The following B4GALNT3 variants were observed in gnomAD, a reference collection of about 807,000 sequenced individuals.
B4GALNT3 encodes the protein beta-1,4-N-acetylgalactosaminyltransferase 3.
B4GALNT3 carries 86 observed loss-of-function variants against 120.2 expected under a neutral mutation model. The ratio of observed to expected loss-of-function variants is 0.72; its 90% confidence interval spans 0.60 to 0.86. The LOEUF is 0.86. B4GALNT3 is among the 40% of genes least tolerant of loss of function. The probability of loss-of-function intolerance (pLI) is 0.00; values close to 1 mark genes in which losing one functional copy is unlikely to be tolerated. For synonymous variants in B4GALNT3, 518 were observed against 510.4 expected (o/e 1.01, Z -0.20); for missense variants, 1,167 against 1,298.9 (o/e 0.90, Z 1.56).
chr12:541,839 T>G (rs1049020537), intron 3 of B4GALNT3, among the ~76,000 whole-genome samples: 1 of 43,056 alleles, frequency 2.3e-5, no homozygotes, highest in Non-Finnish European at 4.6e-5. Context: ...GTCCCCCCCC[T>G]CACCCCCCCC....
In B4GALNT3 at chr12:535,234, C is replaced by T; in HGVS notation, c.238C>T (p.Leu80Phe). 6.2e-7 allele frequency: 1 copy of T among 1,613,984 alleles called. No individual in the cohort carries two copies. The highest frequency in any genetic ancestry group is 8.5e-7 in the Non-Finnish European group (1 of 1,179,996). The change falls in exon 2 of 20, where the codon CTC becomes TTC. Residue 80 changes from leucine (L) to phenylalanine (F), a missense_variant. Physicochemically the swap from Leu to Phe is conservative, Grantham distance 22. Coordinates refer to ENST00000266383, the MANE Select transcript of B4GALNT3 (RefSeq NM_173593.4). Reference sequence around the variant, plus strand: ...GAACATTCCAGCTGTGGATCCACACCTCCAGTTCTACCATCCCCAGAGGCT... The same window carrying T: ...GAACATTCCAGCTGTGGATCCACACTTCCAGTTCTACCATCCCCAGAGGCT... ...SRNIPAVDPHLQFYHPQRLSL... is the reference protein window; with the variant it reads ...SRNIPAVDPHFQFYHPQRLSL...
chr12:547,456 T>G (rs1235967200), intron 7 of B4GALNT3, among the ~76,000 whole-genome samples: 2 of 152,104 alleles, frequency 1.3e-5, no homozygotes, highest in Non-Finnish European at 2.9e-5. Context: ...GTGCACCCCA[T>G]AAATATGCAC....
chr12:489,666 G>A (rs553024687), intron 1 of B4GALNT3, among the ~76,000 whole-genome samples: 1 of 152,316 alleles, frequency 6.6e-6, no homozygotes, highest in South Asian at 2.1e-4. Flanking sequence ...CACTGTTAGA[G>A]TTGAAGACTT....
At chr12:520,777 C>A (rs373507659) in intron 1 of B4GALNT3, among the ~76,000 whole-genome samples, 5 of 152,198 alleles carry the variant, frequency 3.3e-5, no homozygotes, top group African/African-American at 1.2e-4. Context: ...GGTGACAGAG[C>A]GAGACTCCGT....
At chr12:523,592 C>G (rs763817822) in intron 1 of B4GALNT3, among the ~76,000 whole-genome samples, 2 of 152,180 alleles carry the variant, frequency 1.3e-5, no homozygotes, top group Non-Finnish European at 2.9e-5. Flanking sequence ...AGTCTTGGGC[C>G]AAGAATCAAA....
Position 471,384 on chromosome 12 carries a change from CAATAAATA to C in B4GALNT3, c.169+10872_169+10879del, listed in dbSNP as rs111851364. On this transcript the variant is annotated intron_variant, in intron 1 of 19. Transcript: ENST00000266383. ...TGGGTGACAGAGTGAGACTCTGTCT[CAATAAATA>C]AATAAATAAATAAATAAATAAATAA... Among the ~76,000 whole-genome samples, 1,052 of 137,344 alleles carry C rather than the reference CAATAAATA, an allele frequency of 7.7e-3. 8 individuals carry two copies. The highest frequency in any genetic ancestry group is 0.035 in the East Asian group (160 of 4,556). 90.1% of individuals were successfully genotyped at this position (137,344 alleles called of 152,430 possible). A position where few individuals can be genotyped will look rare whatever the true frequency, so the allele number is the denominator to read the frequency against.
chr12:552,222 G>C, intron 12 of B4GALNT3, 59 bp downstream of exon 12: 2 of 1,460,444 alleles, frequency 1.4e-6, no homozygotes, highest in East Asian at 4.5e-5. Context: ...CGGGAGCCAG[G>C]AGAGCTGCCT....
At chr12:545,717 A>T (rs1160157526) in intron 6 of B4GALNT3, among the ~76,000 whole-genome samples, 15 of 90,360 alleles carry the variant, frequency 1.7e-4, no homozygotes, top group East Asian at 3.6e-4. Context: ...AATGGGGAGG[A>T]GCGAGGTGTG....
Position 460,583 on chromosome 12 carries a change from G to GGGC in B4GALNT3, c.169+51_169+53dup, listed in dbSNP as rs765893277. 8.2e-6 allele frequency: 11 copies of GGGC among 1,337,166 alleles called. No homozygotes were observed. Among genetic ancestry groups the GGGC allele is most frequent in the East Asian group, 6.1e-5 (2 of 32,536 alleles). The allele number at this position is 1,337,166 out of a possible 1,614,324, so 82.8% of individuals were successfully genotyped here. A position where few individuals can be genotyped will look rare whatever the true frequency, so the allele number is the denominator to read the frequency against. On this transcript the variant is annotated intron_variant, in intron 1 of 19. Coordinates refer to ENST00000266383, the MANE Select transcript of B4GALNT3 (RefSeq NM_173593.4). The surrounding 1 kb of genome is among the most constrained non-coding windows in gnomAD (Gnocchi z 8.0). ...CAGGGGAGGCGAAGGGCGCGGGGGTGGGCGGCGGCGGCGGCTCCTGCGTTG... is the reference window on the plus strand; with the variant it reads ...CAGGGGAGGCGAAGGGCGCGGGGGTGGGCGGCGGCGGCGGCGGCTCCTGCGTTG...
intron 1 of B4GALNT3, among the ~76,000 whole-genome samples, chr12:490,831 G>T (rs1254285662): frequency 6.6e-6 from 1 of 151,998 alleles, no homozygotes; most frequent in Non-Finnish European, 1.5e-5. Flanking sequence ...ACTCACACAA[G>T]AAGAAATAAA....
rs1946963088 is a variant in B4GALNT3, at chr12:544,279, G to A, written c.352-60G>A. On this transcript the variant is annotated intron_variant, in intron 3 of 19. Coordinates refer to ENST00000266383, the MANE Select transcript of B4GALNT3 (RefSeq NM_173593.4). ...GGGATGCTCATCCCCCTGGAGCTGA[G>A]GATCTGGGGCGGGCATGGGGTGCTC... 2.6e-6 allele frequency: 4 copies of A among 1,528,504 alleles called. No homozygotes were observed. The Admixed American group carries it at 5.0e-5, about 19-fold the overall frequency. The allele number at this position is 1,528,504 out of a possible 1,614,324, so 94.7% of individuals were successfully genotyped here. A position where few individuals can be genotyped will look rare whatever the true frequency, so the allele number is the denominator to read the frequency against.
chr12:483,084 T>C (rs1028825374), intron 1 of B4GALNT3, among the ~76,000 whole-genome samples: 9 of 151,934 alleles, frequency 5.9e-5, no homozygotes, highest in South Asian at 2.1e-4. Flanking sequence ...ATTTTTTTTT[T>C]CCCTTTGGAG....
intron 14 of B4GALNT3, among the ~76,000 whole-genome samples, chr12:555,870 G>A (rs1030775974): frequency 1.1e-4 from 16 of 151,588 alleles, no homozygotes; most frequent in African/African-American, 3.4e-4. Context: ...TGCAAGCTCC[G>A]CCTCCCGGGT....
chr12:463,977 C>T (rs554387571), intron 1 of B4GALNT3, among the ~76,000 whole-genome samples: 68 of 152,240 alleles, frequency 4.5e-4, no homozygotes, highest in African/African-American at 1.4e-3. Context: ...TAGAATGGGA[C>T]GGGTAAGGGT....
At chr12:558,438 C>G (rs1947185518) in intron 17 of B4GALNT3, 70 bp from the exon 18 acceptor site, 3 of 1,475,934 alleles carry the variant, frequency 2.0e-6, no homozygotes, top group Non-Finnish European at 2.8e-6. Flanking sequence ...CGAGGCTTCT[C>G]CTAGACGGCG....
intron 1 of B4GALNT3, among the ~76,000 whole-genome samples, chr12:495,412 C>T (rs1308161614): frequency 6.6e-6 from 1 of 152,198 alleles, no homozygotes; most frequent in African/African-American, 2.4e-5. Flanking sequence ...CTTAGTTCAG[C>T]TGATCAATGT....
In B4GALNT3 at chr12:550,945, C is replaced by T; in HGVS notation, c.1021C>T (p.Leu341Phe). 1.2e-6 allele frequency: 2 copies of T among 1,614,006 alleles called. No individual in the cohort carries two copies. Among genetic ancestry groups the T allele is most frequent in the East Asian group, 2.2e-5 (1 of 44,892 alleles). ...AGTGCCTCTGATCCCCAAGTCGCAT[C>T]TCCGCCACGTCCTGCCTGACTGTCC... Reference protein sequence around the residue: ...YRVPLIPKSHLRHVLPDCPYK... With the variant: ...YRVPLIPKSHFRHVLPDCPYK... Residue 341 changes from leucine (L) to phenylalanine (F), a missense_variant, in exon 11 of 20, where the codon CTC becomes TTC. By Grantham distance (22) the Leu-to-Phe change is conservative (BLOSUM62 0). This residue lies in a region of B4GALNT3 where 983 missense variants were observed against 1,102.5 expected (regional missense o/e 0.89). Coordinates refer to ENST00000266383, the MANE Select transcript of B4GALNT3 (RefSeq NM_173593.4). This position sits in a 1 kb window ranked among gnomAD's most constrained non-coding sequence, Gnocchi z 4.1.
At chr12:503,853 G>A (rs1463847607) in intron 1 of B4GALNT3, among the ~76,000 whole-genome samples, 1 of 152,130 alleles carries the variant, frequency 6.6e-6, no homozygotes, top group Non-Finnish European at 1.5e-5. Flanking sequence ...GGTGGCTCAC[G>A]CCTGTAACCC....
rs534899985 is a variant in B4GALNT3, at chr12:506,896, G to A, written c.170-28270G>A. Among the ~76,000 whole-genome samples, 100 of 152,286 alleles carry A rather than the reference G, an allele frequency of 6.6e-4. 1 individual carries two copies. The Middle Eastern group carries it at 0.01, about 16-fold the overall frequency. On this transcript the variant is annotated intron_variant, in intron 1 of 19. Transcript: ENST00000266383. ...CGTGATCCGCCCGCCTCGGCCTCCC[G>A]AAGTGCTGGGATTACAGGCGTGAGC... is the stretch of plus-strand genomic sequence containing the variant.
Sources: allele counts gnomAD v4.1 joint callset (sites outside exome capture counted in the v4.1 genomes callset), GRCh38; gene constraint gnomAD v4.1.1; regional missense constraint gnomAD v4.1.1; non-coding constraint Gnocchi (gnomAD v3.1); transcripts MANE v1.5; gene names NCBI Gene and HGNC (gene_info 2026-07-23, HGNC 2026-07-21).